SERGEF: variants seen among roughly 807,000 people sequenced by gnomAD.
SERGEF encodes secretion-regulating guanine nucleotide exchange factor.
SERGEF carries 51 observed loss-of-function variants against 50.0 expected under a neutral mutation model. The observed-to-expected ratio is 1.02, with a 90% CI of 0.81 to 1.29. The LOEUF is 1.29. SERGEF is among the 50% of genes most tolerant of loss of function. The pLI, the probability that SERGEF is intolerant of heterozygous loss-of-function variation, is 0.00. For synonymous variants in SERGEF, 205 were observed against 212.4 expected, an observed-to-expected ratio of 0.97 and a Z score of 0.30; for missense variants, 521 against 557.0, an observed-to-expected ratio of 0.94 and a Z score of 0.65.
At chr11:17,918,657 C>CACACAT (rs569682518) in intron 9 of SERGEF, 73,649 of 373,152 alleles carry the variant, frequency 0.2, 6,952 homozygotes, top group East Asian at 0.25. Context: ...CACACATACA[C>CACACAT]ACACACTCTC....
At position 17,836,560 on chromosome 11, in the gene SERGEF, G is replaced by C. The variant is rs555228911; in HGVS notation, c.1048+41648C>G. Among the ~76,000 whole-genome samples, 10 of 152,294 alleles carry C rather than the reference G, an allele frequency of 6.6e-5. No homozygotes were observed. The South Asian group carries it at 1.0e-3, about 16-fold the overall frequency. ...CCTGATGCCTAAAGGATTAAGTCCA[G>C]TACCCTCAACATGCCACACAAAGAC... is the stretch of plus-strand genomic sequence containing the variant. On this transcript the variant is annotated intron_variant, in intron 10 of 10. Coordinates refer to ENST00000265965, the MANE Select transcript of SERGEF (RefSeq NM_012139.4).
chr11:17,892,822 G>A lies in SERGEF; in HGVS notation c.1012-14578C>T, dbSNP rs147491387. Among the ~76,000 whole-genome samples, 188 of 152,288 alleles carry A rather than the reference G, an allele frequency of 1.2e-3. 1 individual carries two copies. The highest frequency in any genetic ancestry group is 4.2e-3 in the African/African-American group (174 of 41,562). ...CATGGAGCATCTCTGGGAGGTGGAG[G>A]TTGCCGTGAGTTGAGATCATACCAC... On this transcript the variant is annotated intron_variant, in intron 9 of 10. Transcript: ENST00000265965.
chr11:17,860,913 G>A (rs930863673), intron 10 of SERGEF, among the ~76,000 whole-genome samples: 1 of 152,176 alleles, frequency 6.6e-6, no homozygotes, highest in African/African-American at 2.4e-5. Context: ...GTTCCCTGAG[G>A]AGCAAGAAGG....
intron 10 of SERGEF, among the ~76,000 whole-genome samples, chr11:17,817,288 C>G (rs890082329): frequency 4.0e-5 from 6 of 150,900 alleles, no homozygotes; most frequent in African/African-American, 1.5e-4. Context: ...GATCTTGGCT[C>G]ACTGCAAGTT....
chr11:17,844,091 G>C (rs536681654), intron 10 of SERGEF, among the ~76,000 whole-genome samples: 8 of 152,244 alleles, frequency 5.3e-5, no homozygotes, highest in African/African-American at 1.4e-4. Flanking sequence ...CACTGATCCA[G>C]ACCTTTCACT....
intron 9 of SERGEF, among the ~76,000 whole-genome samples, chr11:17,944,389 CA>C (rs894764605): frequency 6.6e-6 from 1 of 152,218 alleles, no homozygotes; most frequent in Non-Finnish European, 1.5e-5. Flanking sequence ...CAAGAAGCTT[CA>C]GACTCTAATT....
intron 9 of SERGEF, among the ~76,000 whole-genome samples, chr11:17,947,916 C>T (rs556092651): frequency 8.3e-4 from 126 of 151,710 alleles, no homozygotes; most frequent in African/African-American, 2.9e-3. Context: ...TTATTATTAC[C>T]TCTTTTAAAA....
rs1252258402 is a variant in SERGEF, at chr11:17,888,117, T to G, written c.1012-9873A>C. Among the ~76,000 whole-genome samples, 1 of 152,184 alleles carries G rather than the reference T, an allele frequency of 6.6e-6. No individual in the cohort carries two copies. The highest frequency in any genetic ancestry group is 6.5e-5 in the Admixed American group (1 of 15,286). ...TGAGACTCTAACTAATGCCTGGTGA[T>G]CTGAGGTGGAACAGTTTCATCCCGA... On this transcript the variant is annotated intron_variant, in intron 9 of 10. Coordinates refer to ENST00000265965, the MANE Select transcript of SERGEF (RefSeq NM_012139.4). This position sits in a 1 kb window ranked among gnomAD's most constrained non-coding sequence, Gnocchi z 4.1.
chr11:17,802,730 A>T (rs1035732214), intron 10 of SERGEF, among the ~76,000 whole-genome samples: 7 of 152,042 alleles, frequency 4.6e-5, no homozygotes, highest in Non-Finnish European at 1.0e-4. Flanking sequence ...TCCTCCCCAG[A>T]TAACCATATG....
At chr11:17,930,920 C>T (rs1305137812) in intron 9 of SERGEF, among the ~76,000 whole-genome samples, 1 of 152,114 alleles carries the variant, frequency 6.6e-6, no homozygotes, top group Non-Finnish European at 1.5e-5. Flanking sequence ...TTCAATCACG[C>T]ACACCACTGA....
intron 9 of SERGEF, among the ~76,000 whole-genome samples, chr11:17,946,226 A>G (rs1852657948): frequency 6.6e-6 from 1 of 152,182 alleles, no homozygotes; most frequent in Non-Finnish European, 1.5e-5. Flanking sequence ...TAGGTTTTGC[A>G]GTAGGATCAG....
chr11:17,799,869 C>T (rs1001495970), intron 10 of SERGEF, among the ~76,000 whole-genome samples: 1 of 152,186 alleles, frequency 6.6e-6, no homozygotes, highest in African/African-American at 2.4e-5. Context: ...TTGTACACAT[C>T]AACTAGGCTC....
chr11:17,968,395 G>T (rs1224765220), intron 8 of SERGEF, among the ~76,000 whole-genome samples: 1 of 152,210 alleles, frequency 6.6e-6, no homozygotes, highest in Non-Finnish European at 1.5e-5. Flanking sequence ...TGTCCTAGGT[G>T]CTAGGGGCTA....
chr11:17,849,484 C>T (rs951817888), intron 10 of SERGEF, among the ~76,000 whole-genome samples: 1 of 152,128 alleles, frequency 6.6e-6, no homozygotes, highest in South Asian at 2.1e-4. Context: ...AACAACCCCC[C>T]CAACCCCACC....
chr11:17,983,978 T>A (rs1054406697), intron 8 of SERGEF, among the ~76,000 whole-genome samples: 1 of 152,036 alleles, frequency 6.6e-6, no homozygotes, highest in South Asian at 2.1e-4. Context: ...GCAGATTGGA[T>A]AGGGATCAAG....
intron 8 of SERGEF, among the ~76,000 whole-genome samples, chr11:17,984,340 G>A (rs1008305219): frequency 2.6e-5 from 4 of 152,150 alleles, no homozygotes; most frequent in Non-Finnish European, 2.9e-5. Context: ...AAGAGGAAGC[G>A]GGAGCTTGGA....
chr11:17,922,692 T>C (rs1211199023), intron 9 of SERGEF, among the ~76,000 whole-genome samples: 1 of 152,176 alleles, frequency 6.6e-6, no homozygotes, highest in Non-Finnish European at 1.5e-5. Context: ...TGGCTTCAAA[T>C]ACTGCTCGTT....
chr11:17,926,201 A>G (rs1333113546), intron 9 of SERGEF, among the ~76,000 whole-genome samples: 1 of 151,780 alleles, frequency 6.6e-6, no homozygotes, highest in Non-Finnish European at 1.5e-5. Context: ...GGCATTAGTC[A>G]CTTGCCTCCA....
At chr11:17,862,165 A>T (rs1473912843) in intron 10 of SERGEF, among the ~76,000 whole-genome samples, 1 of 152,030 alleles carries the variant, frequency 6.6e-6, no homozygotes, top group Non-Finnish European at 1.5e-5. Flanking sequence ...ACTTTTGTTC[A>T]TGTTGATCAT....
Sources: gnomAD v4.1 joint callset for allele counts (sites outside exome capture counted in the v4.1 genomes callset) on GRCh38, gnomAD v4.1.1 for gene constraint, Gnocchi (gnomAD v3.1) non-coding constraint, MANE v1.5 for transcripts, NCBI Gene and HGNC (gene_info 2026-07-23, HGNC 2026-07-21) for gene names.